TNFRSF10B: variants seen among roughly 807,000 people sequenced by gnomAD.
The protein encoded by TNFRSF10B is TNF receptor superfamily member 10b.
A neutral mutation model predicts 41.4 loss-of-function variants in TNFRSF10B; 35 were observed. The ratio of observed to expected loss-of-function variants is 0.85; its 90% CI spans 0.65 to 1.12. The LOEUF is 1.12. TNFRSF10B is among the 50% of genes most tolerant of loss of function. TNFRSF10B has a pLI of 0.00. For synonymous variants in TNFRSF10B, 230 were observed against 215.5 expected (o/e 1.07, Z -0.59); for missense variants, 584 against 552.7 (o/e 1.06, Z -0.57).
Position 23,027,237 on chromosome 8 carries a change from T to C in TNFRSF10B, c.832A>G (p.Ile278Val). 6.2e-7 allele frequency: 1 copy of C among 1,614,172 alleles called. No individual in the cohort carries two copies. The highest frequency in any genetic ancestry group is 1.1e-5 in the South Asian group (1 of 91,080). Residue 278 changes from isoleucine (I) to valine (V), a missense_variant, in exon 7 of 9, where the codon ATC becomes GTC. Transcript: ENST00000276431. ...TCAGGGACCTGGGTGGGCTGCAAGA[T>C]ACTCACGATCTCATTGAGGACATTG... is the stretch of plus-strand genomic sequence containing the variant. Reference protein sequence around the residue: ...EDNVLNEIVSILQPTQVPEQE... With the variant: ...EDNVLNEIVSVLQPTQVPEQE...
rs778543054 is a variant in TNFRSF10B, at chr8:23,020,520, C to T, written c.*2151G>A. ...CAGCCTGACCAACATGGTGAAACCC[C>T]GTCTCTACTAAAAATACAAAAATTA... On this transcript the variant is annotated 3_prime_UTR_variant, in exon 9 of 9. Transcript: ENST00000276431. 16 of 449,130 alleles carry T rather than the reference C, an allele frequency of 3.6e-5. No individual in the cohort carries two copies. Among genetic ancestry groups the T allele is most frequent in the Admixed American group, 4.7e-5 (2 of 42,124 alleles). 27.8% of individuals were successfully genotyped at this position (449,130 alleles called of 1,614,324 possible).
In TNFRSF10B at chr8:23,027,122, C is replaced by T. The variant is rs1811725325; in HGVS notation, c.936+11G>A. The T allele has an allele frequency of 6.2e-7, 1 of 1,613,702 alleles. No individual in the cohort carries two copies. The highest frequency in any genetic ancestry group is 8.5e-7 in the Non-Finnish European group (1 of 1,180,008). On this transcript the variant is annotated intron_variant, in intron 7 of 8. Coordinates refer to ENST00000276431, the MANE Select transcript of TNFRSF10B (RefSeq NM_003842.5). ...CATGCCAGGAAACAAAATGATCTGT[C>T]CCCCACTCACCAGCAGATGCTCTGA...
chr8:23,041,881 T>G (rs1812212534), intron 2 of TNFRSF10B, among the ~76,000 whole-genome samples: 1 of 152,188 alleles, frequency 6.6e-6, no homozygotes, highest in Admixed American at 6.5e-5. Flanking sequence ...GTCTCCAACT[T>G]CAAATCCTCA....
chr8:23,027,642 ACC>A, intron 6 of TNFRSF10B, 78 bp downstream of exon 6: 1 of 1,593,820 alleles, frequency 6.3e-7, no homozygotes, highest in Non-Finnish European at 8.6e-7. Flanking sequence ...GACAATGGGG[ACC>A]CACCCACCCA....
intron 1 of TNFRSF10B, among the ~76,000 whole-genome samples, chr8:23,048,593 A>G (rs1812433418): frequency 6.6e-6 from 1 of 152,212 alleles, no homozygotes; most frequent in Non-Finnish European, 1.5e-5. Flanking sequence ...TGCACAGTGC[A>G]ATGAATGTAG....
chr8:23,065,670 T>C (rs1195051662), intron 1 of TNFRSF10B, among the ~76,000 whole-genome samples: 1 of 152,176 alleles, frequency 6.6e-6, no homozygotes, highest in African/African-American at 2.4e-5. Context: ...TATATAGTTA[T>C]ATGTAGATAA....
rs1475634094 is a variant in TNFRSF10B, at chr8:23,028,315, C to T, written c.748+16G>A. ...GCAGAGAGTGCCCTGTGCCCCCGCCCTCAGCCAGCACCTACCTGAGCAGAT... is the reference window on the plus strand; with the variant it reads ...GCAGAGAGTGCCCTGTGCCCCCGCCTTCAGCCAGCACCTACCTGAGCAGAT... On this transcript the variant is annotated intron_variant, in intron 5 of 8. Transcript: ENST00000276431. The T allele has an allele frequency of 6.2e-7, 1 of 1,613,864 alleles. No individual in the cohort carries two copies. The highest frequency in any genetic ancestry group is 8.5e-7 in the Non-Finnish European group (1 of 1,179,974).
In TNFRSF10B at chr8:23,020,144, G is replaced by C. The variant is rs963497044; in HGVS notation, c.*2527C>G. On this transcript the variant is annotated 3_prime_UTR_variant, in exon 9 of 9. Transcript: ENST00000276431. ...AAAAACCACACCTCTTTTTATATAA[G>C]GTTTCATATTTAATTTGGTCATGGA... is the stretch of plus-strand genomic sequence containing the variant. 2.5e-6 allele frequency: 1 copy of C among 392,760 alleles called. No individual in the cohort carries two copies. Among genetic ancestry groups the C allele is most frequent in the African/African-American group, 2.1e-5 (1 of 47,700 alleles). The allele number at this position is 392,760 out of a possible 1,614,324, so 24.3% of individuals were successfully genotyped here.
At chr8:23,024,333 G>T in intron 7 of TNFRSF10B, 73 bp from the exon 8 acceptor site, 1 of 1,560,444 alleles carries the variant, frequency 6.4e-7, no homozygotes, top group Non-Finnish European at 8.8e-7. Flanking sequence ...CCGACCACCA[G>T]CCAGCTCTGA....
intron 1 of TNFRSF10B, among the ~76,000 whole-genome samples, chr8:23,062,920 T>C (rs2128821429): frequency 1.3e-5 from 2 of 152,378 alleles, no homozygotes; most frequent in South Asian, 4.1e-4. Flanking sequence ...GTCTCAGGCA[T>C]GTTCATATGT....
At chr8:23,030,708 T>G (rs767407756) in intron 3 of TNFRSF10B, 51 bp downstream of exon 3, 1 of 1,419,914 alleles carries the variant, frequency 7.0e-7, no homozygotes, top group Non-Finnish European at 9.8e-7. Context: ...ACAACTTTTA[T>G]GTCATCACCC....
chr8:23,045,453 A>C lies in TNFRSF10B; in HGVS notation c.145-2210T>G, dbSNP rs575981649. 2.3e-4 allele frequency among the ~76,000 whole-genome samples: 35 copies of C among 152,340 alleles called. 1 individual carries two copies. The South Asian group carries it at 7.2e-3, about 32-fold the overall frequency. Reference sequence around the variant, plus strand: ...TTGAATCAGTAATGAAAAGTCTCCTATCAAAGAAACACCCAGGACCCAGAA... The same window carrying C: ...TTGAATCAGTAATGAAAAGTCTCCTCTCAAAGAAACACCCAGGACCCAGAA... On this transcript the variant is annotated intron_variant, in intron 1 of 8. Transcript: ENST00000276431.
chr8:23,024,544 A>G (rs1325983158), intron 7 of TNFRSF10B, among the ~76,000 whole-genome samples: 1 of 151,188 alleles, frequency 6.6e-6, no homozygotes, highest in Non-Finnish European at 1.5e-5. Flanking sequence ...TTTTCGAGAC[A>G]GAGTCTCACT....
At chr8:23,066,508 T>G (rs1812984915) in intron 1 of TNFRSF10B, among the ~76,000 whole-genome samples, 1 of 152,142 alleles carries the variant, frequency 6.6e-6, no homozygotes, top group Non-Finnish European at 1.5e-5. Context: ...AGATACTAAG[T>G]TAGCTCTGAT....
chr8:23,050,215 T>C (rs964191126), intron 1 of TNFRSF10B, among the ~76,000 whole-genome samples: 1 of 152,234 alleles, frequency 6.6e-6, no homozygotes, highest in Non-Finnish European at 1.5e-5. Flanking sequence ...TTGGTTGATA[T>C]CAGGTTTTGC....
intron 1 of TNFRSF10B, among the ~76,000 whole-genome samples, chr8:23,055,948 G>C (rs1412231607): frequency 6.6e-6 from 1 of 152,182 alleles, no homozygotes; most frequent in African/African-American, 2.4e-5. Flanking sequence ...GAAACACTTT[G>C]TAATTTTGAG....
intron 2 of TNFRSF10B, among the ~76,000 whole-genome samples, chr8:23,035,505 TG>T (rs1446273944): frequency 6.6e-6 from 1 of 152,154 alleles, no homozygotes; most frequent in Non-Finnish European, 1.5e-5. Flanking sequence ...ATTATACTGA[TG>T]ACATTATACT....
At chr8:23,057,735 A>G (rs1431421111) in intron 1 of TNFRSF10B, among the ~76,000 whole-genome samples, 2 of 152,124 alleles carry the variant, frequency 1.3e-5, no homozygotes, top group Non-Finnish European at 2.9e-5. Flanking sequence ...TTGAAGCTCT[A>G]TTATTGAGGA....
At position 23,022,830 on chromosome 8, in the gene TNFRSF10B, C is replaced by T. The variant is rs1158889069; in HGVS notation, c.1164G>A (p.Lys388=). ...CATCTCGCCCGGTTTTGTTGACCCA[C>T]TTTATCAGCATCGTGTACAAGGTGT... ...HRDTLYTMLI[K]WVNKTGRDAS... Residue 388 remains lysine (K), a synonymous_variant, in exon 9 of 9, where the codon AAG becomes AAA. Transcript: ENST00000276431. 3.1e-6 allele frequency: 5 copies of T among 1,613,960 alleles called. No homozygotes were observed. Among genetic ancestry groups the T allele is most frequent in the Non-Finnish European group, 3.4e-6 (4 of 1,179,994 alleles).
Sources: allele counts gnomAD v4.1 joint callset (sites outside exome capture counted in the v4.1 genomes callset), GRCh38; gene constraint gnomAD v4.1.1; transcripts MANE v1.5; gene names NCBI Gene and HGNC (gene_info 2026-07-23, HGNC 2026-07-21).